The following MEGF11 variants were observed in gnomAD, a reference collection of about 807,000 sequenced individuals.
The protein encoded by MEGF11 is multiple epidermal growth factor-like domains protein 11.
MEGF11 carries 126 observed loss-of-function variants against 146.6 expected under a neutral mutation model. The ratio of observed to expected loss-of-function variants is 0.86; its 90% CI spans 0.74 to 1.00. The LOEUF (loss-of-function observed/expected upper bound fraction) is 1.00. Among genes scored for constraint, MEGF11 ranks in the 50% least tolerant of loss-of-function variants. MEGF11 has a pLI of 0.00. For synonymous variants in MEGF11, 532 were observed against 583.4 expected (o/e 0.91, Z 1.27); for missense variants, 1,509 against 1,521.2 (o/e 0.99, Z 0.13).
At chr15:66,147,398 A>G (rs2089413591) in intron 1 of MEGF11, among the ~76,000 whole-genome samples, 2 of 152,242 alleles carry the variant, frequency 1.3e-5, no homozygotes, top group Admixed American at 1.3e-4. Context: ...GGCCCTGCAC[A>G]TGTAACACGT....
At chr15:66,154,987 G>A (rs535065903) in intron 1 of MEGF11, among the ~76,000 whole-genome samples, 1 of 152,336 alleles carries the variant, frequency 6.6e-6, no homozygotes, top group African/African-American at 2.4e-5. Flanking sequence ...ATTCCCTTCA[G>A]GGGAAACTGA....
intron 10 of MEGF11, among the ~76,000 whole-genome samples, chr15:65,937,169 G>A (rs16949115): frequency 1.3e-5 from 2 of 152,196 alleles, no homozygotes; most frequent in African/African-American, 4.8e-5. Flanking sequence ...GGCTGCAAGG[G>A]TTGTGCTGTC....
intron 1 of MEGF11, among the ~76,000 whole-genome samples, chr15:66,192,456 C>A (rs1259733191): frequency 7.0e-6 from 1 of 143,666 alleles, no homozygotes; most frequent in Non-Finnish European, 1.5e-5. Context: ...GGTGACAGAG[C>A]AAGACTCCAT....
At chr15:65,978,527 T>C (rs2081526237) in intron 7 of MEGF11, among the ~76,000 whole-genome samples, 1 of 152,212 alleles carries the variant, frequency 6.6e-6, no homozygotes, top group African/African-American at 2.4e-5. Context: ...CTCCATGTGT[T>C]TGCTTCTCAC....
chr15:66,194,926 G>A (rs986715390), intron 1 of MEGF11, among the ~76,000 whole-genome samples: 2 of 152,096 alleles, frequency 1.3e-5, no homozygotes, highest in African/African-American at 2.4e-5. Flanking sequence ...TGGGCTTGTC[G>A]TCACTTGCTG....
intron 7 of MEGF11, among the ~76,000 whole-genome samples, chr15:65,972,889 C>T (rs765542392): frequency 6.6e-6 from 1 of 152,152 alleles, no homozygotes; most frequent in Non-Finnish European, 1.5e-5. Flanking sequence ...TTTTGGGAGG[C>T]TGAGGTGGGT....
At chr15:66,049,511 A>G (rs1296050206) in intron 5 of MEGF11, among the ~76,000 whole-genome samples, 1 of 152,086 alleles carries the variant, frequency 6.6e-6, no homozygotes, top group Non-Finnish European at 1.5e-5. Context: ...GAGGGAAGCA[A>G]TGTTTTTTTA....
At chr15:66,115,467 C>T (rs72744435) in intron 4 of MEGF11, among the ~76,000 whole-genome samples, 11,316 of 152,320 alleles carry the variant, frequency 0.074, 521 homozygotes, top group South Asian at 0.15. Flanking sequence ...CCTCCCTTTC[C>T]TCCCATCACA....
intron 5 of MEGF11, among the ~76,000 whole-genome samples, chr15:66,059,291 C>T (rs1212193660): frequency 6.6e-6 from 1 of 152,238 alleles, no homozygotes; most frequent in Non-Finnish European, 1.5e-5. Flanking sequence ...CTTTGTTGCA[C>T]TTTCTCTGGC....
intron 17 of MEGF11, chr15:65,916,520 G>T (rs1342945242): frequency 1.2e-5 from 8 of 658,152 alleles, no homozygotes; most frequent in Non-Finnish European, 7.7e-6. Flanking sequence ...TCTACTTCCT[G>T]TGTGGACACA....
At chr15:66,028,366 C>T (rs2083408037) in intron 5 of MEGF11, among the ~76,000 whole-genome samples, 1 of 152,120 alleles carries the variant, frequency 6.6e-6, no homozygotes, top group Non-Finnish European at 1.5e-5. Flanking sequence ...CCTAGATTAG[C>T]AATTTAGGGA....
intron 5 of MEGF11, among the ~76,000 whole-genome samples, chr15:66,006,461 T>C (rs1374401756): frequency 6.6e-6 from 1 of 152,010 alleles, no homozygotes; most frequent in Non-Finnish European, 1.5e-5. Flanking sequence ...GTCTGGAGAG[T>C]AAACAAACTT....
intron 5 of MEGF11, among the ~76,000 whole-genome samples, chr15:66,030,079 G>T (rs1013984218): frequency 2.6e-5 from 4 of 152,172 alleles, no homozygotes; most frequent in South Asian, 2.1e-4. Flanking sequence ...GGAATTCTCA[G>T]CAATCTTGCT....
chr15:65,942,496 C>A (rs1236431841), intron 10 of MEGF11, among the ~76,000 whole-genome samples: 4 of 151,930 alleles, frequency 2.6e-5, no homozygotes, highest in African/African-American at 9.7e-5. Context: ...TAATGTATAT[C>A]CTTTGAATGA....
chr15:65,898,428 T>G (rs1461418007), intron 25 of MEGF11: 1 of 985,238 alleles, frequency 1.0e-6, no homozygotes, highest in Non-Finnish European at 1.2e-6. Context: ...AAAATGAGAT[T>G]TGTATCAACA....
In MEGF11 at chr15:65,916,143, C is replaced by CT; in HGVS notation, c.2344+4dup. 6.3e-7 allele frequency: 1 copy of CT among 1,586,202 alleles called. No individual in the cohort carries two copies. The highest frequency in any genetic ancestry group is 8.6e-7 in the Non-Finnish European group (1 of 1,164,858). On this transcript the variant is annotated splice_donor_region_variant and intron_variant, in intron 18 of 25. Coordinates refer to ENST00000395614, the MANE Select transcript of MEGF11 (RefSeq NM_001385028.1). ...CACCCAGGATCAGGGGTCAGGGCAG[C>CT]TTACTCTGCTCACAGTGTTGCCCGG... is the stretch of plus-strand genomic sequence containing the variant.
intron 5 of MEGF11, among the ~76,000 whole-genome samples, chr15:66,087,788 AAAACC>A (rs1256650586): frequency 2.6e-5 from 4 of 152,208 alleles, no homozygotes; most frequent in Admixed American, 2.6e-4. Flanking sequence ...AACCAAATCC[AAAACC>A]AGCAGAAGAA....
At chr15:65,922,165 C>T (rs973773744) in intron 15 of MEGF11, 173 bp downstream of exon 15, 14 of 712,572 alleles carry the variant, frequency 2.0e-5, no homozygotes, top group Admixed American at 6.0e-5. Flanking sequence ...GTGTTAGGGC[C>T]TTTGTCTCAT....
chr15:66,129,370 C>G (rs1189214334), intron 1 of MEGF11, among the ~76,000 whole-genome samples: 1 of 152,176 alleles, frequency 6.6e-6, no homozygotes, highest in Admixed American at 6.5e-5. Context: ...TCACACGCAC[C>G]CAAACATCAT....
Sources: gnomAD v4.1 joint callset for allele counts (sites outside exome capture counted in the v4.1 genomes callset) on GRCh38, gnomAD v4.1.1 for gene constraint, MANE v1.5 for transcripts, NCBI Gene and HGNC (gene_info 2026-07-23, HGNC 2026-07-21) for gene names.